The following CSMD1 variants were observed in gnomAD, a reference collection of about 807,000 sequenced individuals.
The protein encoded by CSMD1 is CUB and sushi domain-containing protein 1.
In CSMD1, 213 loss-of-function variants were observed where a neutral mutation model predicts 417.5. The ratio of observed to expected loss-of-function variants is 0.51; its 90% confidence interval spans 0.46 to 0.57. The LOEUF (loss-of-function observed/expected upper bound fraction) is 0.57, where lower values mean the gene tolerates loss of function less well. Among genes scored for constraint, CSMD1 ranks in the 20% least tolerant of loss-of-function variants. The probability of loss-of-function intolerance (pLI) is 0.00; values close to 1 mark genes in which losing one functional copy is unlikely to be tolerated. For missense variants in CSMD1, 6,923 were observed against 4,529.7 expected (o/e 1.53, Z -15.17); for synonymous variants, 2,862 against 1,736.8 (o/e 1.65, Z -16.11).
Position 4,095,132 on chromosome 8 carries a change from G to T in CSMD1, c.416-63033C>A, listed in dbSNP as rs574713977. ...CGTGACGGATATGGAAAGAACTTGG[G>T]AGGAAGAGAGGTAGGATGTGCTGAG... On this transcript the variant is annotated intron_variant, in intron 3 of 69. Transcript: ENST00000635120. 6.6e-5 allele frequency among the ~76,000 whole-genome samples: 10 copies of T among 152,286 alleles called. 1 individual carries two copies. The highest frequency in any genetic ancestry group is 1.9e-4 in the African/African-American group (8 of 41,564).
rs542804011 is a variant in CSMD1, at chr8:4,369,165, CA to C, written c.415+50787del. ...TTTGTGTCTCCATTTTCACTGGTTT[CA>C]AAAACTTTTTTTGATTTCTGACTTA... On this transcript the variant is annotated intron_variant, in intron 3 of 69. Coordinates refer to ENST00000635120, the MANE Select transcript of CSMD1 (RefSeq NM_033225.6). 1.9e-4 allele frequency among the ~76,000 whole-genome samples: 29 copies of C among 152,216 alleles called. 1 individual carries two copies. The South Asian group carries it at 5.6e-3, about 29-fold the overall frequency.
intron 15 of CSMD1, among the ~76,000 whole-genome samples, chr8:3,402,335 C>G (rs747510446): frequency 2.8e-4 from 43 of 151,976 alleles, no homozygotes; most frequent in Non-Finnish European, 4.6e-4. Flanking sequence ...GGTATTTTAT[C>G]TTTTGCTAAA....
At chr8:4,771,483 G>C (rs942364279) in intron 1 of CSMD1, among the ~76,000 whole-genome samples, 60 of 152,210 alleles carry the variant, frequency 3.9e-4, no homozygotes, top group African/African-American at 1.4e-3. Flanking sequence ...TCAGTCGTGA[G>C]AATGCGCAGT....
intron 10 of CSMD1, among the ~76,000 whole-genome samples, chr8:3,529,687 C>T (rs1450675980): frequency 6.6e-6 from 1 of 152,140 alleles, no homozygotes; most frequent in African/African-American, 2.4e-5. Context: ...TACTAAGCAA[C>T]TCATATGTAC....
chr8:4,463,759 G>A (rs979882614), intron 2 of CSMD1, among the ~76,000 whole-genome samples: 7 of 152,158 alleles, frequency 4.6e-5, no homozygotes, highest in African/African-American at 4.8e-5. Context: ...AGGGAAAATA[G>A]TGAGTGGGTA....
intron 1 of CSMD1, among the ~76,000 whole-genome samples, chr8:4,757,624 C>T (rs955559784): frequency 6.6e-6 from 1 of 152,122 alleles, no homozygotes; most frequent in South Asian, 2.1e-4. Context: ...ATTATGTGCT[C>T]TCTTCAGCTT....
At chr8:4,522,756 A>G (rs935606822) in intron 2 of CSMD1, among the ~76,000 whole-genome samples, 2 of 152,172 alleles carry the variant, frequency 1.3e-5, no homozygotes. Context: ...GTTGGACTCC[A>G]TCCTTCATGA....
intron 18 of CSMD1, among the ~76,000 whole-genome samples, chr8:3,379,473 C>A (rs963067889): frequency 2.0e-5 from 3 of 152,148 alleles, no homozygotes; most frequent in African/African-American, 7.2e-5. Context: ...TAGTTGGAGG[C>A]ATCGTGCTAC....
At chr8:4,130,878 T>G (rs1308981795) in intron 3 of CSMD1, among the ~76,000 whole-genome samples, 1 of 151,818 alleles carries the variant, frequency 6.6e-6, no homozygotes, top group Non-Finnish European at 1.5e-5. Context: ...AGTGTTCATA[T>G]GCTGAGATAG....
chr8:3,403,717 C>A (rs2116887109), intron 15 of CSMD1, among the ~76,000 whole-genome samples: 1 of 152,252 alleles, frequency 6.6e-6, no homozygotes, highest in South Asian at 2.1e-4. Context: ...TTCATGCTTC[C>A]AAGTCAGTGA....
chr8:3,477,468 G>C (rs1408635117), intron 11 of CSMD1, among the ~76,000 whole-genome samples: 1 of 152,190 alleles, frequency 6.6e-6, no homozygotes, highest in Non-Finnish European at 1.5e-5. Flanking sequence ...GCCTTAATTG[G>C]GTAGACACAG....
intron 4 of CSMD1, among the ~76,000 whole-genome samples, chr8:4,024,876 C>CT (rs1327168376): frequency 6.6e-6 from 1 of 152,118 alleles, no homozygotes; most frequent in African/African-American, 2.4e-5. Flanking sequence ...GTAAGGTTTG[C>CT]TAAAACAAAG....
chr8:4,659,220 T>G (rs1804429639), intron 1 of CSMD1, among the ~76,000 whole-genome samples: 1 of 151,676 alleles, frequency 6.6e-6, no homozygotes, highest in African/African-American at 2.4e-5. Context: ...AGAAAAACAG[T>G]GCTCAGAGGA....
At chr8:4,587,333 G>A (rs906576005) in intron 2 of CSMD1, among the ~76,000 whole-genome samples, 22 of 152,036 alleles carry the variant, frequency 1.4e-4, no homozygotes, top group African/African-American at 5.3e-4. Context: ...TTACACAACT[G>A]TAAAACTGTG....
chr8:4,335,576 T>A (rs1370188332), intron 3 of CSMD1, among the ~76,000 whole-genome samples: 3 of 152,166 alleles, frequency 2.0e-5, no homozygotes, highest in African/African-American at 7.2e-5. Flanking sequence ...CTATCAGTCT[T>A]AGCTAACTTT....
intron 3 of CSMD1, among the ~76,000 whole-genome samples, chr8:4,102,283 G>C (rs17068998): frequency 0.18 from 27,639 of 152,128 alleles, 2,774 homozygotes; most frequent in East Asian, 0.33. Context: ...TTATAAGGAA[G>C]ATCAGAGAAA....
At chr8:4,665,713 G>A (rs148909878) in intron 1 of CSMD1, among the ~76,000 whole-genome samples, 1 of 152,162 alleles carries the variant, frequency 6.6e-6, no homozygotes, top group Non-Finnish European at 1.5e-5. Context: ...TCTTTGTTCT[G>A]AGTAGTGCTC....
Position 2,965,893 on chromosome 8 carries a change from G to A in CSMD1, c.9162C>T (p.Thr3054=), listed in dbSNP as rs773425697. The change falls in exon 59 of 70, where the codon ACC becomes ACT. Residue 3054 remains threonine, a synonymous_variant. Coordinates refer to ENST00000635120, the MANE Select transcript of CSMD1 (RefSeq NM_033225.6). ...ACTGATAGCTCACAGTCTTGTTGAA[G>A]GTGAAGTCGGTCCCAAACTGGATGC... ...ANGIQFGTDF[T]FNKTVSYQCN... 1.2e-6 allele frequency: 2 copies of A among 1,610,338 alleles called. No homozygotes were observed. The highest frequency in any genetic ancestry group is 2.2e-5 in the South Asian group (2 of 89,956).
At chr8:4,600,727 G>C (rs1357250894) in intron 2 of CSMD1, among the ~76,000 whole-genome samples, 1 of 152,060 alleles carries the variant, frequency 6.6e-6, no homozygotes, top group Admixed American at 6.6e-5. Flanking sequence ...AAAGACAGAG[G>C]GTGTAAACTC....
Sources: allele counts gnomAD v4.1 joint callset (sites outside exome capture counted in the v4.1 genomes callset), GRCh38; gene constraint gnomAD v4.1.1; transcripts MANE v1.5; gene names NCBI Gene and HGNC (gene_info 2026-07-23, HGNC 2026-07-21).